Variants in TENM2 observed in about 807,000 individuals in gnomAD.
The protein encoded by TENM2 is teneurin transmembrane protein 2.
In TENM2, 52 loss-of-function variants were observed where a neutral mutation model predicts 245.2. The observed-to-expected ratio is 0.21, with a 90% confidence interval of 0.17 to 0.27. The LOEUF is 0.27. Among genes scored for constraint, TENM2 ranks in the 10% least tolerant of loss-of-function variants. The probability of loss-of-function intolerance (pLI) is 1.00; values close to 1 mark genes in which losing one functional copy is unlikely to be tolerated. For synonymous variants in TENM2, 1,363 were observed against 1,438.9 expected (o/e 0.95, Z 1.19); for missense variants, 3,046 against 3,666.8 (o/e 0.83, Z 4.37).
chr5:167,344,280 ACG>A lies in TENM2; in HGVS notation c.227-30916_227-30915del, dbSNP rs1360514426. Among the ~76,000 whole-genome samples the A allele has an allele frequency of 1.6e-3, 197 of 122,764 alleles. 3 individuals are homozygous for A. The highest frequency in any genetic ancestry group is 5.4e-3 in the African/African-American group (179 of 33,278). The allele number at this position is 122,764 out of a possible 152,430, so 80.5% of individuals were successfully genotyped here. A position where few individuals can be genotyped will look rare whatever the true frequency, so the allele number is the denominator to read the frequency against. ...AGAATACACAAACACATGCACGTGC[ACG>A]CACACACACACACACACACACACAC... On this transcript the variant is annotated intron_variant, in intron 1 of 28. Coordinates refer to ENST00000518659, the Ensembl canonical transcript of TENM2.
At chr5:167,497,945 C>A (rs930045653) in intron 2 of TENM2, among the ~76,000 whole-genome samples, 6 of 152,006 alleles carry the variant, frequency 3.9e-5, no homozygotes, top group African/African-American at 1.2e-4. Flanking sequence ...GATATCTATC[C>A]ATCTGGTACA....
intron 2 of TENM2, among the ~76,000 whole-genome samples, chr5:167,852,167 G>A (rs754013866): frequency 3.9e-5 from 6 of 152,288 alleles, no homozygotes; most frequent in South Asian, 2.1e-4. Context: ...GCTTTTCAAC[G>A]TTTGTAAGGT....
At chr5:167,053,821 C>G in the TENM2 span, among the ~76,000 whole-genome samples, 1 of 152,142 alleles carries the variant, frequency 6.6e-6, no homozygotes, top group Non-Finnish European at 1.5e-5. Flanking sequence ...GGTTGCATAA[C>G]TAACCATAGG....
chr5:167,975,947 T>G (rs1385600969), intron 4 of TENM2, among the ~76,000 whole-genome samples: 1 of 152,178 alleles, frequency 6.6e-6, no homozygotes, highest in Non-Finnish European at 1.5e-5. Flanking sequence ...TTCTTTTTCT[T>G]TTGTTTTCTT....
At chr5:168,036,559 A>G (rs1204112585) in intron 5 of TENM2, among the ~76,000 whole-genome samples, 2 of 150,788 alleles carry the variant, frequency 1.3e-5, no homozygotes, top group Non-Finnish European at 3.0e-5. Flanking sequence ...TCGCTTGAAC[A>G]TGGGAGGTGG....
At chr5:167,547,112 T>A (rs2127614970) in intron 2 of TENM2, among the ~76,000 whole-genome samples, 1 of 152,268 alleles carries the variant, frequency 6.6e-6, no homozygotes, top group Admixed American at 6.5e-5. Flanking sequence ...TGAGACAGAA[T>A]TTCAGTCTTG....
At chr5:168,125,121 A>T (rs1039770573) in intron 11 of TENM2, 71 bp downstream of exon 13, 3 of 1,333,564 alleles carry the variant, frequency 2.2e-6, no homozygotes, top group Non-Finnish European at 2.1e-6. Flanking sequence ...TCTCAGATGG[A>T]TGGGAATCTA....
rs190757506 is a variant in TENM2, at chr5:168,101,609, G to A, written c.1813+3482G>A. Among the ~76,000 whole-genome samples, 71 of 152,288 alleles carry A rather than the reference G, an allele frequency of 4.7e-4. 1 individual carries two copies. In the East Asian group the frequency reaches 0.012, roughly 25 times the overall value. ...TAGCCATGGTATATAATTGATCCTT[G>A]TGAAACAAATATTGAGTGGATGTTA... is the stretch of plus-strand genomic sequence containing the variant. On this transcript the variant is annotated intron_variant, in intron 9 of 28. Coordinates refer to ENST00000518659, the Ensembl canonical transcript of TENM2.
the TENM2 span, among the ~76,000 whole-genome samples, chr5:167,194,220 G>A: frequency 3.3e-5 from 5 of 151,994 alleles, no homozygotes; most frequent in African/African-American, 4.8e-5. Context: ...TGGTGATGTC[G>A]CAAAGCATTG....
chr5:167,341,741 A>T (rs550852798), intron 1 of TENM2, among the ~76,000 whole-genome samples: 1 of 152,148 alleles, frequency 6.6e-6, no homozygotes, highest in African/African-American at 2.4e-5. Context: ...GTAATCATAC[A>T]TAATTATGGA....
chr5:167,813,256 C>T (rs1468812703), intron 2 of TENM2, among the ~76,000 whole-genome samples: 1 of 152,000 alleles, frequency 6.6e-6, no homozygotes, highest in African/African-American at 2.4e-5. Context: ...CAAAATGTTT[C>T]CAGCAGTGAA....
intron 3 of TENM2, among the ~76,000 whole-genome samples, chr5:167,905,005 C>T (rs889873495): frequency 6.6e-6 from 1 of 152,100 alleles, no homozygotes; most frequent in African/African-American, 2.4e-5. Context: ...GTAAAACTGA[C>T]ATATATATTT....
chr5:167,295,010 T>C (rs1754868659), intron 1 of TENM2, among the ~76,000 whole-genome samples: 1 of 152,208 alleles, frequency 6.6e-6, no homozygotes, highest in Non-Finnish European at 1.5e-5. Context: ...TTGTTGTTAT[T>C]ATTCTCTTGA....
chr5:168,190,410 G>A (rs752975649), exon 14 of TENM2: 26 of 1,613,988 alleles, frequency 1.6e-5, no homozygotes, highest in Non-Finnish European at 2.2e-5. Context: ...TCTGCCGGGG[G>A]TCCCGGGACC....
intron 17 of TENM2, among the ~76,000 whole-genome samples, chr5:168,202,349 A>T (rs1304274820): frequency 6.6e-6 from 1 of 152,100 alleles, no homozygotes; most frequent in Non-Finnish European, 1.5e-5. Context: ...AAATACCATT[A>T]TGAACTCATG....
intron 2 of TENM2, among the ~76,000 whole-genome samples, chr5:167,809,640 T>C (rs939366355): frequency 6.6e-6 from 1 of 152,166 alleles, no homozygotes; most frequent in Non-Finnish European, 1.5e-5. Flanking sequence ...TTTCCTTACA[T>C]TGAAGCCTGC....
intron 2 of TENM2, among the ~76,000 whole-genome samples, chr5:167,656,942 T>C (rs1470056550): frequency 8.3e-6 from 1 of 120,820 alleles, no homozygotes; most frequent in Non-Finnish European, 1.6e-5. Flanking sequence ...CAAAGATTTA[T>C]CTTTTTTTTT....
At chr5:167,824,058 C>A (rs1449464575) in intron 2 of TENM2, among the ~76,000 whole-genome samples, 1 of 152,164 alleles carries the variant, frequency 6.6e-6, no homozygotes, top group African/African-American at 2.4e-5. Flanking sequence ...CTGAGGAGGA[C>A]CCAGCAAAGC....
At chr5:167,246,766 G>A in the TENM2 span, among the ~76,000 whole-genome samples, 1 of 151,898 alleles carries the variant, frequency 6.6e-6, no homozygotes, top group African/African-American at 2.4e-5. Context: ...GTTTCATGTT[G>A]GTTGGCGCGG....
Sources: gnomAD v4.1 joint callset for allele counts (sites outside exome capture counted in the v4.1 genomes callset) on GRCh38, gnomAD v4.1.1 for gene constraint, MANE v1.5 for transcripts, NCBI Gene and HGNC (gene_info 2026-07-23, HGNC 2026-07-21) for gene names.